Variants in KLHDC4 observed in about 807,000 individuals in gnomAD.
KLHDC4 encodes the protein kelch domain-containing protein 4.
Under a neutral mutation model 62.4 loss-of-function variants are expected in KLHDC4, and 90 were observed. That is an observed-to-expected ratio of 1.44 (90% confidence interval 1.22 to 1.72). The LOEUF (loss-of-function observed/expected upper bound fraction) is 1.72, where lower values mean the gene tolerates loss of function less well. Ranked by LOEUF, KLHDC4 falls within the 40% of genes most tolerant of loss-of-function variation. The pLI is 0.00. For missense variants in KLHDC4, 1,025 were observed against 699.7 expected (o/e 1.47, Z -5.25); for synonymous variants, 386 against 284.4 (o/e 1.36, Z -3.59).
intron 5 of KLHDC4, among the ~76,000 whole-genome samples, chr16:87,737,106 C>CAGAA (rs2041452892): frequency 1.5e-5 from 1 of 64,824 alleles, no homozygotes; most frequent in East Asian, 5.7e-4. Flanking sequence ...GCCTGGGCGA[C>CAGAA]AAAAAAAAAA....
At chr16:87,719,044 GGA>G (rs1257364234) in intron 7 of KLHDC4, among the ~76,000 whole-genome samples, 2 of 151,828 alleles carry the variant, frequency 1.3e-5, no homozygotes, top group Non-Finnish European at 2.9e-5. Flanking sequence ...ACCCCATCCG[GGA>G]GGTGGGGGGC....
chr16:87,754,955 G>C (rs532363512), intron 4 of KLHDC4, among the ~76,000 whole-genome samples: 1 of 152,312 alleles, frequency 6.6e-6, no homozygotes, highest in South Asian at 2.1e-4. Context: ...AACGACACGA[G>C]CTATTTTACA....
chr16:87,718,420 G>A (rs1337440231), intron 7 of KLHDC4, among the ~76,000 whole-genome samples: 2 of 148,248 alleles, frequency 1.3e-5, no homozygotes, highest in Non-Finnish European at 3.0e-5. Context: ...CTGATGCCGA[G>A]CGGAGGCTGG....
downstream of KLHDC4, among the ~76,000 whole-genome samples, chr16:87,705,485 A>G (rs1440519003): frequency 6.6e-6 from 1 of 152,240 alleles, no homozygotes; most frequent in East Asian, 1.9e-4. Flanking sequence ...CATTCAAACC[A>G]AATCTTTAGC....
At chr16:87,759,070 G>C (rs1423652819) in intron 2 of KLHDC4, among the ~76,000 whole-genome samples, 1 of 152,174 alleles carries the variant, frequency 6.6e-6, no homozygotes, top group Non-Finnish European at 1.5e-5. Flanking sequence ...AGCTACTTGG[G>C]AGGCTGAGGA....
At chr16:87,764,814 CAG>C (rs2046381319) in intron 1 of KLHDC4, among the ~76,000 whole-genome samples, 2 of 121,916 alleles carry the variant, frequency 1.6e-5, no homozygotes, top group South Asian at 5.2e-4. Context: ...GCCTAGGTGA[CAG>C]AGCAAGACTC....
rs796362019 is a variant in KLHDC4 at position 87,730,977 on chromosome 16, C to A, written c.507-333G>T. On this transcript the variant is annotated intron_variant, in intron 5 of 11. Coordinates refer to ENST00000270583, the MANE Select transcript of KLHDC4 (RefSeq NM_017566.4). Reference sequence around the variant, plus strand: ...CACCATTAGAAAATAAAAAGACAAGCAACAGACAGAGAAATATCTTGAAAC... The same window carrying A: ...CACCATTAGAAAATAAAAAGACAAGAAACAGACAGAGAAATATCTTGAAAC... 3 of 177,482 alleles carry A rather than the reference C, an allele frequency of 1.7e-5. No homozygotes were observed. In the Admixed American group the frequency reaches 2.0e-4, roughly 12 times the overall value. The allele number at this position is 177,482 out of a possible 1,614,324, so 11.0% of individuals were successfully genotyped here. A position where few individuals can be genotyped will look rare whatever the true frequency, so the allele number is the denominator to read the frequency against.
intron 5 of KLHDC4, among the ~76,000 whole-genome samples, chr16:87,732,412 T>G (rs1732169304): frequency 6.6e-6 from 1 of 152,172 alleles, no homozygotes; most frequent in African/African-American, 2.4e-5. Flanking sequence ...GTATATTTCT[T>G]AACACTCATC....
chr16:87,709,833 G>A, intron 9 of KLHDC4, 166 bp from the exon 10 acceptor site: 5 of 757,662 alleles, frequency 6.6e-6, no homozygotes, highest in Non-Finnish European at 1.0e-5. Flanking sequence ...CAGGCACTGG[G>A]CTGCAGGAGC....
At chr16:87,714,402 C>G in intron 8 of KLHDC4, 96 bp downstream of exon 8, 18 of 1,164,280 alleles carry the variant, frequency 1.5e-5, no homozygotes, top group Non-Finnish European at 1.8e-5. Context: ...GGTGCAGGGG[C>G]TCACCGCCAG....
At chr16:87,712,034 G>C (rs1229545943) in intron 8 of KLHDC4, among the ~76,000 whole-genome samples, 1 of 151,196 alleles carries the variant, frequency 6.6e-6, no homozygotes, top group African/African-American at 2.5e-5. Context: ...CCTCCGCCCT[G>C]CACAGGGACC....
intron 5 of KLHDC4, among the ~76,000 whole-genome samples, chr16:87,740,141 GC>G (rs2042027621): frequency 6.6e-6 from 1 of 152,182 alleles, no homozygotes; most frequent in Non-Finnish European, 1.5e-5. Flanking sequence ...AGAGAAGGTG[GC>G]AAGTGCCTGG....
At position 87,730,538 on chromosome 16, in the gene KLHDC4, T is replaced by A; in HGVS notation, c.599+14A>T. 3.1e-6 allele frequency: 5 copies of A among 1,597,622 alleles called. No individual in the cohort carries two copies. The highest frequency in any genetic ancestry group is 4.3e-6 in the Non-Finnish European group (5 of 1,173,774). On this transcript the variant is annotated intron_variant, in intron 6 of 11. Transcript: ENST00000270583. Reference sequence around the variant, plus strand: ...GCTTCAGGAGAGAAAGATTTTTCCGTTCTTGGTACCAACCGTGTACTTTCA... The same window carrying A: ...GCTTCAGGAGAGAAAGATTTTTCCGATCTTGGTACCAACCGTGTACTTTCA...
At chr16:87,728,922 G>A (rs2039855785) in intron 6 of KLHDC4, among the ~76,000 whole-genome samples, 1 of 152,054 alleles carries the variant, frequency 6.6e-6, no homozygotes, top group Non-Finnish European at 1.5e-5. Context: ...TTAAAGGTGT[G>A]CACCACCACA....
In KLHDC4 at chr16:87,760,058, G is replaced by C. The variant is rs190703202; in HGVS notation, c.191+1891C>G. On this transcript the variant is annotated intron_variant, in intron 2 of 11. Coordinates refer to ENST00000270583, the MANE Select transcript of KLHDC4 (RefSeq NM_017566.4). ...TTAAAGTAATATGATTAAGAAATAG[G>C]AAGTTGGAAGATATTAAGGTTACCA... Among the ~76,000 whole-genome samples, 682 of 152,096 alleles carry C rather than the reference G, an allele frequency of 4.5e-3. 2 individuals are homozygous for C. Among genetic ancestry groups the C allele is most frequent in the Non-Finnish European group, 7.1e-3 (483 of 68,002 alleles).
At chr16:87,701,454 T>C (rs1032541984) in exon 1 of KLHDC4, 1 of 348,110 alleles carries the variant, frequency 2.9e-6, no homozygotes, top group Non-Finnish European at 5.7e-6. Context: ...GTGCCTGAGC[T>C]GTGAATGCGG....
chr16:87,709,121 T>C, intron 10 of KLHDC4, 144 bp downstream of exon 10: 1 of 1,069,700 alleles, frequency 9.3e-7, no homozygotes, highest in Non-Finnish European at 1.3e-6. Context: ...TCTCCGTCAA[T>C]CTGACCGTGG....
chr16:87,706,727 A>G (rs1416062036), downstream of KLHDC4, among the ~76,000 whole-genome samples: 1 of 152,046 alleles, frequency 6.6e-6, no homozygotes, highest in Non-Finnish European at 1.5e-5. Flanking sequence ...TGCACCAGGG[A>G]GCTCAGCACG....
intron 2 of KLHDC4, chr16:87,757,515 G>C (rs997173298): frequency 1.0e-4 from 15 of 148,910 alleles, no homozygotes; most frequent in Non-Finnish European, 2.2e-4. Context: ...ATACATGCCA[G>C]ATATCTTCCA....
Sources: gnomAD v4.1 joint callset for allele counts (sites outside exome capture counted in the v4.1 genomes callset) on GRCh38, gnomAD v4.1.1 for gene constraint, MANE v1.5 for transcripts, NCBI Gene and HGNC (gene_info 2026-07-23, HGNC 2026-07-21) for gene names.